Variants in NSMCE2 observed in about 807,000 individuals in gnomAD.
NSMCE2 encodes the protein E3 SUMO-protein ligase NSE2.
Under a neutral mutation model 23.8 loss-of-function variants are expected in NSMCE2, and 24 were observed. The ratio of observed to expected loss-of-function variants is 1.01; its 90% CI spans 0.73 to 1.42. NSMCE2 has a LOEUF of 1.42. Ranked by LOEUF, NSMCE2 falls within the 40% of genes most tolerant of loss-of-function variation. The pLI is 0.00. For missense variants in NSMCE2, 284 were observed against 296.5 expected, an observed-to-expected ratio of 0.96 and a Z score of 0.31; for synonymous variants, 92 against 94.1, an observed-to-expected ratio of 0.98 and a Z score of 0.13.
chr8:125,293,923 A>G (rs774214032), intron 5 of NSMCE2, among the ~76,000 whole-genome samples: 27 of 152,210 alleles, frequency 1.8e-4, no homozygotes, highest in Non-Finnish European at 2.6e-4. Context: ...GAACATTTTC[A>G]AAAAGAAATC....
chr8:125,312,988 C>T lies in NSMCE2; in HGVS notation c.419-44231C>T, dbSNP rs557964044. Among the ~76,000 whole-genome samples the T allele has an allele frequency of 1.5e-4, 23 of 151,666 alleles. No homozygotes were observed. The South Asian group carries it at 4.6e-3, about 30-fold the overall frequency. ...CTGGGGCTAGAGTGAATTTGATGAT[C>T]AAGAGACAGTGAGTAGAGGATGGGT... On this transcript the variant is annotated intron_variant, in intron 5 of 7. Transcript: ENST00000287437.
intron 5 of NSMCE2, among the ~76,000 whole-genome samples, chr8:125,216,517 T>TG (rs201301432): frequency 0.024 from 3,634 of 152,080 alleles, 70 homozygotes; most frequent in Non-Finnish European, 0.04. Context: ...CACATGCCTG[T>TG]AATCCCAGCT....
At chr8:125,146,394 C>T (rs949233442) in intron 3 of NSMCE2, among the ~76,000 whole-genome samples, 6 of 152,194 alleles carry the variant, frequency 3.9e-5, no homozygotes, top group Admixed American at 1.3e-4. Flanking sequence ...AATAGAACTA[C>T]CTAACTCTTT....
At chr8:125,196,133 C>T (rs1395610225) in intron 5 of NSMCE2, among the ~76,000 whole-genome samples, 2 of 151,506 alleles carry the variant, frequency 1.3e-5, no homozygotes, top group East Asian at 1.9e-4. Flanking sequence ...ATCCTCCTGC[C>T]TTGGCCTCCC....
chr8:125,279,933 A>C (rs1174257216), intron 5 of NSMCE2, among the ~76,000 whole-genome samples: 2 of 152,180 alleles, frequency 1.3e-5, no homozygotes. Flanking sequence ...CTCTCTATCA[A>C]TGAGTAAGAA....
At chr8:125,347,181 T>A (rs1258256873) in intron 5 of NSMCE2, among the ~76,000 whole-genome samples, 1 of 152,216 alleles carries the variant, frequency 6.6e-6, no homozygotes, top group Non-Finnish European at 1.5e-5. Context: ...ATTTCATAGC[T>A]GAGAAGATTG....
In NSMCE2 at chr8:125,096,177, T is replaced by C. The variant is rs139504259; in HGVS notation, c.-111+4219T>C. On this transcript the variant is annotated intron_variant, in intron 1 of 7. Transcript: ENST00000287437. Reference sequence around the variant, plus strand: ...TGCATCAAGCTATCAAATGGGAAAATGTGGCTTTTTGCAGATTAGGCCTGG... The same window carrying C: ...TGCATCAAGCTATCAAATGGGAAAACGTGGCTTTTTGCAGATTAGGCCTGG... Among the ~76,000 whole-genome samples the C allele has an allele frequency of 2.0e-3, 307 of 152,268 alleles. 1 individual carries two copies. Among genetic ancestry groups the C allele is most frequent in the African/African-American group, 7.0e-3 (289 of 41,554 alleles).
chr8:125,181,122 G>T (rs544365929), intron 4 of NSMCE2, among the ~76,000 whole-genome samples: 1 of 152,310 alleles, frequency 6.6e-6, no homozygotes, highest in South Asian at 2.1e-4. Context: ...AGCAGCTGCA[G>T]CAAAGTGATA....
chr8:125,202,001 C>T (rs897486438), intron 5 of NSMCE2, among the ~76,000 whole-genome samples: 2 of 152,212 alleles, frequency 1.3e-5, no homozygotes, highest in Non-Finnish European at 2.9e-5. Flanking sequence ...AAGGCTCCGT[C>T]GGCATGGGAC....
chr8:125,341,563 T>G (rs1830246064), intron 5 of NSMCE2, among the ~76,000 whole-genome samples: 1 of 152,132 alleles, frequency 6.6e-6, no homozygotes, highest in Non-Finnish European at 1.5e-5. Context: ...GTTACTGCGT[T>G]GATTCATCTG....
chr8:125,112,816 A>G (rs539744389), intron 3 of NSMCE2, among the ~76,000 whole-genome samples: 2 of 152,202 alleles, frequency 1.3e-5, no homozygotes, highest in Non-Finnish European at 2.9e-5. Flanking sequence ...AGTTCAAGAG[A>G]TCTATTGTAT....
At chr8:125,305,942 T>A (rs1828738355) in intron 5 of NSMCE2, among the ~76,000 whole-genome samples, 1 of 152,126 alleles carries the variant, frequency 6.6e-6, no homozygotes, top group South Asian at 2.1e-4. Context: ...TATTTTAGGG[T>A]GCTGTTACAG....
intron 5 of NSMCE2, among the ~76,000 whole-genome samples, chr8:125,308,783 T>A (rs1171154180): frequency 6.6e-6 from 1 of 152,142 alleles, no homozygotes; most frequent in African/African-American, 2.4e-5. Flanking sequence ...TTCCGGTGAG[T>A]GTAGCTCAGT....
At chr8:125,352,847 T>TC (rs1813096268) in intron 5 of NSMCE2, among the ~76,000 whole-genome samples, 1 of 152,238 alleles carries the variant, frequency 6.6e-6, no homozygotes, top group African/African-American at 2.4e-5. Flanking sequence ...AACGCTAATG[T>TC]CAATTTCTAT....
intron 5 of NSMCE2, among the ~76,000 whole-genome samples, chr8:125,312,915 A>C (rs1485198764): frequency 6.6e-6 from 1 of 152,160 alleles, no homozygotes; most frequent in African/African-American, 2.4e-5. Flanking sequence ...GAGAGCACAG[A>C]GAAGAACTCA....
At chr8:125,226,888 G>A (rs1234692895) in intron 5 of NSMCE2, among the ~76,000 whole-genome samples, 1 of 151,926 alleles carries the variant, frequency 6.6e-6, no homozygotes, top group African/African-American at 2.4e-5. Context: ...TCATGGCACT[G>A]CTCTCCAAAA....
rs549455379 is a variant in NSMCE2 at position 125,119,586 on chromosome 8, A to G, written c.157+17099A>G. ...ATTAAAATTAGACTAGCACTTTATT[A>G]TATCTCTTTGATCATTGGAAATAAT... On this transcript the variant is annotated intron_variant, in intron 3 of 7. Transcript: ENST00000287437. Among the ~76,000 whole-genome samples the G allele has an allele frequency of 7.1e-4, 108 of 152,330 alleles. 3 individuals are homozygous for G. The South Asian group carries it at 0.021, about 30-fold the overall frequency.
intron 5 of NSMCE2, among the ~76,000 whole-genome samples, chr8:125,283,757 A>C (rs901696976): frequency 2.0e-5 from 3 of 152,204 alleles, no homozygotes; most frequent in African/African-American, 4.8e-5. Context: ...GACACAGCAC[A>C]GTCAACATGT....
rs774337809 is a variant in NSMCE2, at chr8:125,357,333, C to T, written c.519+14C>T. ...CCCATTACAAAGGTACCGCTTCCTC[C>T]TACTTCCCCTGAAAGAAACACGATT... On this transcript the variant is annotated intron_variant, in intron 6 of 7. Coordinates refer to ENST00000287437, the MANE Select transcript of NSMCE2 (RefSeq NM_173685.4). The T allele has an allele frequency of 1.3e-4, 190 of 1,501,096 alleles. No homozygotes were observed. The highest frequency in any genetic ancestry group is 1.7e-4 in the Non-Finnish European group (184 of 1,077,682). The allele number at this position is 1,501,096 out of a possible 1,614,324, so 93.0% of individuals were successfully genotyped here.
Sources: allele counts gnomAD v4.1 joint callset (sites outside exome capture counted in the v4.1 genomes callset), GRCh38; gene constraint gnomAD v4.1.1; transcripts MANE v1.5; gene names NCBI Gene and HGNC (gene_info 2026-07-23, HGNC 2026-07-21).